Variants in MLKL observed in about 807,000 individuals in gnomAD.
MLKL encodes mixed lineage kinase domain like pseudokinase.
Under a neutral mutation model 56.5 loss-of-function variants are expected in MLKL, and 55 were observed. That is an observed-to-expected ratio of 0.97 (90% CI 0.78 to 1.22). MLKL has a LOEUF of 1.22. MLKL is among the 50% of genes most tolerant of loss of function. The pLI, the probability that MLKL is intolerant of heterozygous loss-of-function variation, is 0.00. For missense variants in MLKL, 694 were observed against 573.9 expected, an observed-to-expected ratio of 1.21 and a Z score of -2.14; for synonymous variants, 251 against 208.3, an observed-to-expected ratio of 1.20 and a Z score of -1.76.
rs1171664635 is a variant in MLKL at position 74,695,521 on chromosome 16, G to A, written c.237C>T (p.Phe79=). ...ACCTGCAGATATTGGATCTATTGCT[G>A]AACTTTTCTATCTCCCCATTAGCCT... ...LEEANGEIEK[F]SNRSNICRFL... Residue 79 remains phenylalanine, a synonymous_variant, in exon 2 of 11, where the codon TTC becomes TTT. Coordinates refer to ENST00000308807, the MANE Select transcript of MLKL (RefSeq NM_152649.4). 3.1e-6 allele frequency: 5 copies of A among 1,614,190 alleles called. No individual in the cohort carries two copies. Among genetic ancestry groups the A allele is most frequent in the African/African-American group, 1.3e-5 (1 of 75,052 alleles).
intron 2 of MLKL, among the ~76,000 whole-genome samples, chr16:74,693,477 A>AG (rs1555534223): frequency 0.13 from 15,787 of 123,518 alleles, 1,780 homozygotes; most frequent in African/African-American, 0.22. Context: ...AAGAAAAGAA[A>AG]AAAGAAAGAA....
At chr16:74,683,078 A>T (rs35127122) in intron 5 of MLKL, among the ~76,000 whole-genome samples, 1 of 152,178 alleles carries the variant, frequency 6.6e-6, no homozygotes, top group Admixed American at 6.5e-5. Flanking sequence ...TGGGAGACCA[A>T]TGTGGGTGGA....
chr16:74,678,788 A>T, intron 7 of MLKL, 111 bp downstream of exon 7: 1 of 792,134 alleles, frequency 1.3e-6, no homozygotes, highest in Non-Finnish European at 2.1e-6. Flanking sequence ...TCTCTAAATA[A>T]ATAAATAAAT....
chr16:74,672,347 G>T lies in MLKL; in HGVS notation c.*157C>A. The T allele has an allele frequency of 1.5e-6, 1 of 678,738 alleles. No homozygotes were observed. Among genetic ancestry groups the T allele is most frequent in the Non-Finnish European group, 2.6e-6 (1 of 379,200 alleles). 42.0% of individuals were successfully genotyped at this position (678,738 alleles called of 1,614,324 possible). A position where few individuals can be genotyped will look rare whatever the true frequency, so the allele number is the denominator to read the frequency against. On this transcript the variant is annotated 3_prime_UTR_variant, in exon 11 of 11. Coordinates refer to ENST00000308807, the MANE Select transcript of MLKL (RefSeq NM_152649.4). ...TATCATTTGGAGTGGGATGTGTCCTGTATGACTGGAATCGTTTTCTATTTG... is the reference window on the plus strand; with the variant it reads ...TATCATTTGGAGTGGGATGTGTCCTTTATGACTGGAATCGTTTTCTATTTG...
At chr16:74,678,693 G>A (rs1010768593) in intron 7 of MLKL, among the ~76,000 whole-genome samples, 1 of 152,210 alleles carries the variant, frequency 6.6e-6, no homozygotes, top group Non-Finnish European at 1.5e-5. Flanking sequence ...TGAGGCAGGA[G>A]AATCGCTTGA....
At chr16:74,687,927 A>G (rs555300810) in intron 4 of MLKL, among the ~76,000 whole-genome samples, 12 of 148,292 alleles carry the variant, frequency 8.1e-5, no homozygotes, top group East Asian at 5.9e-4. Context: ...TCAGGTTCAC[A>G]CCATTCTCCT....
chr16:74,676,411 G>T (rs1959598869), intron 7 of MLKL: 2 of 985,476 alleles, frequency 2.0e-6, no homozygotes, highest in African/African-American at 1.7e-5. Context: ...CCCAAACTCA[G>T]CCAGGTACCC....
At chr16:74,682,368 A>T (rs1261230530) in intron 6 of MLKL, among the ~76,000 whole-genome samples, 1 of 152,192 alleles carries the variant, frequency 6.6e-6, no homozygotes, top group Non-Finnish European at 1.5e-5. Flanking sequence ...ATTTAACTGG[A>T]TATGTTCATT....
intron 4 of MLKL, among the ~76,000 whole-genome samples, chr16:74,689,242 G>A (rs913463652): frequency 1.3e-5 from 2 of 151,716 alleles, no homozygotes; most frequent in South Asian, 4.1e-4. Flanking sequence ...AGCCTCCCAA[G>A]TAGCTGGGAT....
At chr16:74,699,483 A>G (rs895423110) in intron 1 of MLKL, among the ~76,000 whole-genome samples, 1 of 152,248 alleles carries the variant, frequency 6.6e-6, no homozygotes, top group Admixed American at 6.5e-5. Flanking sequence ...TAAGTATATG[A>G]TCTACAAGGG....
At chr16:74,691,106 G>C (rs1035429864) in intron 4 of MLKL, among the ~76,000 whole-genome samples, 171 bp downstream of exon 4, 3 of 151,786 alleles carry the variant, frequency 2.0e-5, no homozygotes, top group Non-Finnish European at 4.4e-5. Flanking sequence ...CTAGAACTGA[G>C]GTGGAAAGAT....
intron 10 of MLKL, among the ~76,000 whole-genome samples, chr16:74,673,360 G>A (rs530353038): frequency 3.4e-4 from 52 of 152,238 alleles, no homozygotes; most frequent in African/African-American, 1.2e-3. Flanking sequence ...TGGGATTACC[G>A]GTGTGTGCCA....
In MLKL at chr16:74,695,737, A is replaced by C; in HGVS notation, c.21T>G (p.Ile7Met). The change falls in exon 2 of 11, where the codon ATT becomes ATG. Residue 7 changes from isoleucine to methionine, a missense_variant. Transcript: ENST00000308807. Reference protein sequence around the residue: MENLKHIITLGQVIHKR... With the variant: MENLKHMITLGQVIHKR... ...TGTGGATGACCTGGCCAAGGGTGAT[A>C]ATATGCTTCAAATTTTCCATGCCTG... 6.3e-7 allele frequency: 1 copy of C among 1,591,224 alleles called. No individual in the cohort carries two copies. The highest frequency in any genetic ancestry group is 8.6e-7 in the Non-Finnish European group (1 of 1,168,706).
rs74797609 is a variant in MLKL, at chr16:74,690,517, C to T, written c.722+760G>A. On this transcript the variant is annotated intron_variant, in intron 4 of 10. Coordinates refer to ENST00000308807, the MANE Select transcript of MLKL (RefSeq NM_152649.4). ...AAAAAAAAAGAGACAAAATATATGG[C>T]TCACGCCTGTTATCCCAACATTTTG... 4.9e-3 allele frequency among the ~76,000 whole-genome samples: 740 copies of T among 152,284 alleles called. 32 individuals carry two copies. The East Asian group carries it at 0.13, about 26-fold the overall frequency.
chr16:74,678,801 A>G, intron 7 of MLKL, 98 bp downstream of exon 7: 1 of 863,396 alleles, frequency 1.2e-6, no homozygotes, highest in Non-Finnish European at 1.9e-6. Flanking sequence ...AAATAAATAA[A>G]CTAAGACAAG....
At chr16:74,699,233 G>C (rs1042100764) in intron 1 of MLKL, among the ~76,000 whole-genome samples, 30 of 152,146 alleles carry the variant, frequency 2.0e-4, no homozygotes, top group African/African-American at 6.8e-4. Flanking sequence ...GACCAACCCA[G>C]CAATCCTTCC....
chr16:74,677,860 A>G (rs1471862285), intron 7 of MLKL: 9 of 152,284 alleles, frequency 5.9e-5, no homozygotes, highest in African/African-American at 2.2e-4. Context: ...TTGTATTTTT[A>G]GTAGAGACAG....
intron 6 of MLKL, among the ~76,000 whole-genome samples, chr16:74,680,695 C>T (rs1041563446): frequency 6.6e-6 from 1 of 151,978 alleles, no homozygotes; most frequent in Non-Finnish European, 1.5e-5. Flanking sequence ...TTAGGAGAGA[C>T]GAGGTTTCAC....
intron 1 of MLKL, among the ~76,000 whole-genome samples, chr16:74,698,111 G>A (rs1244861265): frequency 6.6e-6 from 1 of 152,040 alleles, no homozygotes; most frequent in East Asian, 1.9e-4. Flanking sequence ...AGCCTGAGGA[G>A]GGAGAATTGA....
Sources: gnomAD v4.1 joint callset for allele counts (sites outside exome capture counted in the v4.1 genomes callset) on GRCh38, gnomAD v4.1.1 for gene constraint, MANE v1.5 for transcripts, NCBI Gene and HGNC (gene_info 2026-07-23, HGNC 2026-07-21) for gene names.